The following DPYD variants were observed in gnomAD, a reference collection of about 807,000 sequenced individuals.
The protein encoded by DPYD is dihydropyrimidine dehydrogenase [NADP(+)].
A neutral mutation model predicts 116.2 loss-of-function variants in DPYD; 109 were observed. The ratio of observed to expected loss-of-function variants is 0.94; its 90% CI spans 0.80 to 1.10. The LOEUF is 1.10. DPYD is among the 50% of genes least tolerant of loss of function. DPYD has a pLI of 0.00. For missense variants in DPYD, 1,302 were observed against 1,254.5 expected (o/e 1.04, Z -0.57); for synonymous variants, 440 against 432.0 (o/e 1.02, Z -0.23).
chr1:97,699,654 T>C (rs974175068), intron 5 of DPYD, 107 bp from the exon 6 acceptor site: 4 of 1,103,492 alleles, frequency 3.6e-6, no homozygotes, highest in African/African-American at 3.1e-5. Flanking sequence ...CAATGAGCAG[T>C]ACATTTTCAG....
At chr1:97,207,174 C>G (rs1478443695) in intron 19 of DPYD, among the ~76,000 whole-genome samples, 2 of 152,076 alleles carry the variant, frequency 1.3e-5, no homozygotes, top group Non-Finnish European at 2.9e-5. Flanking sequence ...CAGTCAGTGA[C>G]AAACACAATT....
intron 18 of DPYD, among the ~76,000 whole-genome samples, chr1:97,290,462 A>G (rs1337209031): frequency 6.6e-6 from 1 of 152,170 alleles, no homozygotes; most frequent in Non-Finnish European, 1.5e-5. Context: ...TAACCAAAAC[A>G]GCATGGTACT....
intron 2 of DPYD, among the ~76,000 whole-genome samples, chr1:97,840,061 T>C (rs575244326): frequency 2.0e-5 from 3 of 152,280 alleles, no homozygotes; most frequent in Admixed American, 6.5e-5. Flanking sequence ...TTGTGTAGAG[T>C]AACTTTGGCC....
chr1:97,242,105 G>T (rs1662372749), intron 18 of DPYD, among the ~76,000 whole-genome samples: 1 of 113,726 alleles, frequency 8.8e-6, no homozygotes, highest in Non-Finnish European at 1.8e-5. Context: ...AGTGTAATTT[G>T]CAACGTGTGT....
At chr1:97,121,792 A>T (rs844144) in intron 20 of DPYD, among the ~76,000 whole-genome samples, 2,245 of 152,172 alleles carry the variant, frequency 0.015, 41 homozygotes, top group African/African-American at 0.052. Context: ...AAATAAACCT[A>T]GTTGGTTTGG....
intron 10 of DPYD, among the ~76,000 whole-genome samples, chr1:97,590,108 C>T (rs1472899169): frequency 6.6e-6 from 1 of 152,156 alleles, no homozygotes. Context: ...AATATTTTGG[C>T]TCCTCTTTTG....
intron 8 of DPYD, among the ~76,000 whole-genome samples, chr1:97,608,579 A>T (rs1655747415): frequency 6.6e-6 from 1 of 151,888 alleles, no homozygotes; most frequent in Non-Finnish European, 1.5e-5. Flanking sequence ...AAATTAGCTT[A>T]CTTCCCTGTG....
chr1:97,123,776 T>C (rs1232561250), intron 20 of DPYD, among the ~76,000 whole-genome samples: 1 of 152,168 alleles, frequency 6.6e-6, no homozygotes, highest in Non-Finnish European at 1.5e-5. Context: ...ACAGATTTTT[T>C]GTTGTTGTTG....
intron 19 of DPYD, among the ~76,000 whole-genome samples, chr1:97,219,477 T>C (rs1660643684): frequency 6.6e-6 from 1 of 152,190 alleles, no homozygotes; most frequent in Non-Finnish European, 1.5e-5. Context: ...GTCCTACCAT[T>C]AACAGAACAT....
intron 13 of DPYD, among the ~76,000 whole-genome samples, chr1:97,474,608 T>C (rs1330845130): frequency 6.6e-6 from 1 of 151,700 alleles, no homozygotes; most frequent in East Asian, 1.9e-4. Context: ...GTTCAGTTTT[T>C]CTGTCACAGT....
intron 16 of DPYD, among the ~76,000 whole-genome samples, chr1:97,340,443 G>C (rs559967717): frequency 1.7e-4 from 26 of 152,144 alleles, no homozygotes; most frequent in Non-Finnish European, 3.1e-4. Context: ...GCCAAGGTAG[G>C]AGGGCCACTT....
At chr1:97,238,779 G>A (rs964017683) in intron 18 of DPYD, among the ~76,000 whole-genome samples, 1 of 152,076 alleles carries the variant, frequency 6.6e-6, no homozygotes, top group African/African-American at 2.4e-5. Context: ...AAACAACAAG[G>A]TTTAAATCAA....
intron 14 of DPYD, among the ~76,000 whole-genome samples, chr1:97,408,306 G>A (rs1673790250): frequency 1.3e-5 from 2 of 152,152 alleles, no homozygotes. Flanking sequence ...AATGAGGACT[G>A]TAATTGTCAT....
chr1:97,170,054 G>T (rs1465434661), intron 20 of DPYD, among the ~76,000 whole-genome samples: 1 of 152,202 alleles, frequency 6.6e-6, no homozygotes, highest in Non-Finnish European at 1.5e-5. Context: ...AACTTCCAGG[G>T]AGAAATATGC....
intron 19 of DPYD, among the ~76,000 whole-genome samples, chr1:97,197,587 T>C (rs1658905589): frequency 6.6e-6 from 1 of 152,182 alleles, no homozygotes; most frequent in Admixed American, 6.6e-5. Context: ...ACAAAAGCTA[T>C]GAGTTATCTC....
intron 16 of DPYD, among the ~76,000 whole-genome samples, chr1:97,306,937 A>G (rs1454624141): frequency 6.6e-6 from 1 of 151,950 alleles, no homozygotes; most frequent in Non-Finnish European, 1.5e-5. Flanking sequence ...AACTTGACAG[A>G]ATTGATCAAA....
chr1:97,724,774 TTCAA>T (rs1663139169), intron 4 of DPYD, among the ~76,000 whole-genome samples: 2 of 151,306 alleles, frequency 1.3e-5, no homozygotes, highest in African/African-American at 4.8e-5. Context: ...CACACAAAGG[TTCAA>T]TCAATCGGAC....
At chr1:97,143,532 C>T (rs1241755152) in intron 20 of DPYD, among the ~76,000 whole-genome samples, 4 of 152,114 alleles carry the variant, frequency 2.6e-5, no homozygotes, top group Non-Finnish European at 5.9e-5. Flanking sequence ...TTTAGTATTA[C>T]CCAGTGACTG....
At chr1:97,131,621 T>C (rs1396979264) in intron 20 of DPYD, among the ~76,000 whole-genome samples, 1 of 152,132 alleles carries the variant, frequency 6.6e-6, no homozygotes, top group Non-Finnish European at 1.5e-5. Flanking sequence ...TGTGTGTGTG[T>C]GAATGTTTAT....
Sources: gnomAD v4.1 joint callset for allele counts (sites outside exome capture counted in the v4.1 genomes callset) on GRCh38, gnomAD v4.1.1 for gene constraint, MANE v1.5 for transcripts, NCBI Gene and HGNC (gene_info 2026-07-23, HGNC 2026-07-21) for gene names.